Variants in SGCZ observed in about 807,000 individuals in gnomAD.
The protein encoded by SGCZ is zeta-sarcoglycan.
SGCZ carries 40 observed loss-of-function variants against 41.3 expected under a neutral mutation model. That is an observed-to-expected ratio of 0.97 (90% CI 0.75 to 1.26). The LOEUF (loss-of-function observed/expected upper bound fraction) is 1.26. Among genes scored for constraint, SGCZ ranks in the 50% most tolerant of loss-of-function variants. SGCZ has a pLI of 0.00. For synonymous variants in SGCZ, 206 were observed against 137.5 expected (o/e 1.50, Z -3.49); for missense variants, 552 against 369.8 (o/e 1.49, Z -4.04).
At chr8:14,754,354 C>G (rs1329892895) in intron 1 of SGCZ, among the ~76,000 whole-genome samples, 2 of 152,164 alleles carry the variant, frequency 1.3e-5, no homozygotes, top group African/African-American at 2.4e-5. Context: ...CCTTCAACCT[C>G]TCTCTGTTTT....
chr8:15,033,747 C>G (rs1803773128), intron 1 of SGCZ, among the ~76,000 whole-genome samples: 1 of 152,098 alleles, frequency 6.6e-6, no homozygotes. Flanking sequence ...CAGGACAGCC[C>G]CTGTGGACCC....
At chr8:15,106,250 T>A (rs889196990) in intron 1 of SGCZ, among the ~76,000 whole-genome samples, 3 of 152,134 alleles carry the variant, frequency 2.0e-5, no homozygotes, top group African/African-American at 7.2e-5. Context: ...TTATTAGTTG[T>A]CATTTTTTAC....
chr8:14,302,063 C>A (rs920233533), intron 3 of SGCZ, among the ~76,000 whole-genome samples: 1 of 152,244 alleles, frequency 6.6e-6, no homozygotes, highest in East Asian at 1.9e-4. Flanking sequence ...CCTAAAAAGT[C>A]TTCTCTTTCT....
rs1319541203 is a variant in SGCZ at position 14,690,465 on chromosome 8, G to A, written c.40-135539C>T. The A allele has an allele frequency of 1.3e-5, 2 of 152,038 alleles. 1 individual carries two copies. Among genetic ancestry groups the A allele is most frequent in the Non-Finnish European group, 2.9e-5 (2 of 68,030 alleles). 9.4% of individuals were successfully genotyped at this position (152,038 alleles called of 1,614,324 possible). Reference sequence around the variant, plus strand: ...GGATGATGAGATGCTGTTGATCTAAGAACATTGCAACCAAGTGGCGTGGGC... The same window carrying A: ...GGATGATGAGATGCTGTTGATCTAAAAACATTGCAACCAAGTGGCGTGGGC... On this transcript the variant is annotated intron_variant, in intron 1 of 7. Transcript: ENST00000382080.
chr8:14,695,099 G>C (rs528830631), intron 1 of SGCZ, among the ~76,000 whole-genome samples: 138 of 152,180 alleles, frequency 9.1e-4, no homozygotes, highest in African/African-American at 3.2e-3. Context: ...AAAGAAAATT[G>C]ATGCTGATAG....
chr8:14,550,807 A>T (rs979110161), intron 2 of SGCZ, among the ~76,000 whole-genome samples: 5 of 152,042 alleles, frequency 3.3e-5, no homozygotes, highest in African/African-American at 1.2e-4. Context: ...GGGTTTAAGC[A>T]GATGCCAAGT....
At chr8:14,828,807 G>A (rs969191360) in intron 1 of SGCZ, among the ~76,000 whole-genome samples, 35 of 152,254 alleles carry the variant, frequency 2.3e-4, no homozygotes, top group African/African-American at 7.9e-4. Flanking sequence ...AAATGCCCAT[G>A]CCCGAGAACA....
chr8:14,280,970 C>A (rs1210348039), intron 3 of SGCZ, among the ~76,000 whole-genome samples: 2 of 151,666 alleles, frequency 1.3e-5, no homozygotes, highest in Non-Finnish European at 3.0e-5. Flanking sequence ...ATAACCATAT[C>A]CTTTCTGAAA....
At chr8:14,870,294 C>T (rs1804100037) in intron 1 of SGCZ, among the ~76,000 whole-genome samples, 1 of 151,692 alleles carries the variant, frequency 6.6e-6, no homozygotes. Flanking sequence ...AGATGGAGAC[C>T]ATCCTGGCCA....
Position 14,981,635 on chromosome 8 carries a change from C to T in SGCZ, c.39+255950G>A, listed in dbSNP as rs181033220. The stretch of plus-strand genomic sequence containing the variant: ...CCAAGTGGCTTTTTGTTCATGTGGT[C>T]CAACTCACATGATGGTGTCAACTCA... On this transcript the variant is annotated intron_variant, in intron 1 of 7. Transcript: ENST00000382080. Among the ~76,000 whole-genome samples the T allele has an allele frequency of 4.6e-3, 702 of 152,200 alleles. 4 individuals carry two copies. The highest frequency in any genetic ancestry group is 0.019 in the South Asian group (91 of 4,822).
chr8:15,127,246 AC>A, intron 1 of SGCZ, among the ~76,000 whole-genome samples: 1 of 21,154 alleles, frequency 4.7e-5, no homozygotes, highest in African/African-American at 8.4e-5. Flanking sequence ...ACACACACAC[AC>A]ACACACACAA....
In SGCZ at chr8:15,196,144, G is replaced by A. The variant is rs535642843; in HGVS notation, c.39+41441C>T. Among the ~76,000 whole-genome samples the A allele has an allele frequency of 6.0e-5, 8 of 133,970 alleles. No homozygotes were observed. In the East Asian group the frequency reaches 1.4e-3, roughly 23 times the overall value. The allele number at this position is 133,970 out of a possible 152,430, so 87.9% of individuals were successfully genotyped here. ...GATCTCCTGACCTCGTGATCCGCCC[G>A]CCTCGGCCTCCCAAAGTGCTGGGAT... On this transcript the variant is annotated intron_variant, in intron 1 of 7. Transcript: ENST00000382080.
chr8:14,591,982 C>G (rs1209967531), intron 1 of SGCZ, among the ~76,000 whole-genome samples: 1 of 152,062 alleles, frequency 6.6e-6, no homozygotes, highest in South Asian at 2.1e-4. Context: ...CAATAGTAAA[C>G]AGTTATTGGA....
intron 1 of SGCZ, among the ~76,000 whole-genome samples, chr8:14,671,152 C>A (rs1808089672): frequency 6.6e-6 from 1 of 152,136 alleles, no homozygotes. Context: ...ACTGAGTCAT[C>A]CATTTATAGA....
chr8:14,451,493 C>T (rs564111214), intron 2 of SGCZ, among the ~76,000 whole-genome samples: 14 of 152,014 alleles, frequency 9.2e-5, no homozygotes, highest in South Asian at 2.1e-4. Flanking sequence ...AATGTGGAAC[C>T]GAATAATGAT....
chr8:14,971,034 G>T (rs1000328151), intron 1 of SGCZ, among the ~76,000 whole-genome samples: 1 of 151,984 alleles, frequency 6.6e-6, no homozygotes, highest in Non-Finnish European at 1.5e-5. Flanking sequence ...ACATATTTTT[G>T]ATGCTTTTGT....
At chr8:14,444,728 G>T (rs575691168) in intron 2 of SGCZ, among the ~76,000 whole-genome samples, 1 of 151,556 alleles carries the variant, frequency 6.6e-6, no homozygotes, top group Non-Finnish European at 1.5e-5. Flanking sequence ...CGAGTTAATG[G>T]GTGCAGCACA....
At chr8:14,802,289 T>A (rs1231603833) in intron 1 of SGCZ, among the ~76,000 whole-genome samples, 2 of 152,174 alleles carry the variant, frequency 1.3e-5, no homozygotes, top group African/African-American at 4.8e-5. Context: ...CATGAATAAA[T>A]CACTAAGCTG....
chr8:14,349,144 T>C (rs1036950346), intron 2 of SGCZ, among the ~76,000 whole-genome samples: 1 of 152,098 alleles, frequency 6.6e-6, no homozygotes, highest in Non-Finnish European at 1.5e-5. Context: ...TCGTATGTTG[T>C]CAGTAATAGG....
Sources: gnomAD v4.1 joint callset for allele counts (sites outside exome capture counted in the v4.1 genomes callset) on GRCh38, gnomAD v4.1.1 for gene constraint, MANE v1.5 for transcripts, NCBI Gene and HGNC (gene_info 2026-07-23, HGNC 2026-07-21) for gene names.